Variants in NPHP1 observed in about 807,000 individuals in gnomAD.
NPHP1 encodes the protein nephrocystin-1.
A neutral mutation model predicts 90.4 loss-of-function variants in NPHP1; 70 were observed. The observed-to-expected ratio is 0.77, with a 90% CI of 0.64 to 0.95. The LOEUF (loss-of-function observed/expected upper bound fraction) is 0.95. Among genes scored for constraint, NPHP1 ranks in the 40% least tolerant of loss-of-function variants. The pLI, the probability that NPHP1 is intolerant of heterozygous loss-of-function variation, is 0.00. For synonymous variants in NPHP1, 256 were observed against 271.7 expected (o/e 0.94, Z 0.57); for missense variants, 764 against 795.9 (o/e 0.96, Z 0.48).
intron 16 of NPHP1, among the ~76,000 whole-genome samples, chr2:110,138,313 T>C (rs1313920831): frequency 1.3e-5 from 2 of 151,330 alleles, no homozygotes; most frequent in Non-Finnish European, 1.5e-5. Flanking sequence ...CTAAAACTTA[T>C]AATAAAAAAA....
intron 4 of NPHP1, among the ~76,000 whole-genome samples, chr2:110,171,671 A>T (rs903976886): frequency 3.3e-5 from 5 of 152,180 alleles, no homozygotes; most frequent in Admixed American, 3.3e-4. Context: ...GCCGAAAATA[A>T]TGTGAACTTG....
intron 17 of NPHP1, among the ~76,000 whole-genome samples, chr2:110,131,473 G>A (rs1336206708): frequency 6.6e-6 from 1 of 152,166 alleles, no homozygotes; most frequent in Non-Finnish European, 1.5e-5. Flanking sequence ...ACATATGTTT[G>A]AAAGAACTGA....
At chr2:110,183,199 A>G (rs893731125) in intron 2 of NPHP1, among the ~76,000 whole-genome samples, 8 of 152,198 alleles carry the variant, frequency 5.3e-5, no homozygotes, top group African/African-American at 1.9e-4. Context: ...AAATCTCTGC[A>G]GCACTGTGAC....
intron 1 of NPHP1, 93 bp from the exon 2 acceptor site, chr2:110,201,587 C>T: frequency 1.1e-6 from 1 of 874,162 alleles, no homozygotes; most frequent in Non-Finnish European, 1.8e-6. Flanking sequence ...ATAATGAACA[C>T]TTTTAAACAT....
chr2:110,199,955 G>A (rs1685451035), intron 2 of NPHP1, among the ~76,000 whole-genome samples: 1 of 152,098 alleles, frequency 6.6e-6, no homozygotes, highest in Admixed American at 6.5e-5. Flanking sequence ...TGGTTACTTG[G>A]GCTTAAAAAT....
At chr2:110,177,777 C>T (rs1683607694) in intron 4 of NPHP1, among the ~76,000 whole-genome samples, 1 of 151,672 alleles carries the variant, frequency 6.6e-6, no homozygotes, top group African/African-American at 2.4e-5. Flanking sequence ...CAGTGTCTCA[C>T]TCCGTTGCCC....
intron 19 of NPHP1, chr2:110,124,846 G>A (rs1679237987): frequency 5.2e-6 from 1 of 192,032 alleles, no homozygotes; most frequent in African/African-American, 2.4e-5. Context: ...TCAAATGGAG[G>A]CTGAAATAAG....
At chr2:110,176,818 T>C (rs1683542212) in intron 4 of NPHP1, among the ~76,000 whole-genome samples, 1 of 152,176 alleles carries the variant, frequency 6.6e-6, no homozygotes, top group Non-Finnish European at 1.5e-5. Context: ...TCCAGTGTTT[T>C]TCCAGGACTA....
rs143024650 is a variant in NPHP1, at chr2:110,163,504, T to G, written c.772-369A>C. 1,019 of 293,796 alleles carry G rather than the reference T, an allele frequency of 3.5e-3. 16 individuals are homozygous for G. The highest frequency in any genetic ancestry group is 0.017 in the African/African-American group (795 of 46,608). The allele number at this position is 293,796 out of a possible 1,614,324, so 18.2% of individuals were successfully genotyped here. A position where few individuals can be genotyped will look rare whatever the true frequency, so the allele number is the denominator to read the frequency against. The stretch of plus-strand genomic sequence containing the variant: ...CTGAAGAATTAATGGATTTTTTTTG[T>G]ATACACATACACACTACTCATAGAC... On this transcript the variant is annotated intron_variant, in intron 8 of 19. Transcript: ENST00000445609.
intron 10 of NPHP1, 110 bp from the exon 11 acceptor site, chr2:110,160,365 A>G (rs1682221800): frequency 1.4e-5 from 11 of 764,636 alleles, no homozygotes; most frequent in Non-Finnish European, 2.2e-5. Flanking sequence ...AAAAAAGAAA[A>G]AATTTACACA....
intron 17 of NPHP1, among the ~76,000 whole-genome samples, chr2:110,131,257 G>A (rs1679754196): frequency 6.6e-6 from 1 of 152,048 alleles, no homozygotes; most frequent in African/African-American, 2.4e-5. Flanking sequence ...TCCATATCTG[G>A]ATTCACCAAT....
chr2:110,191,157 G>GA (rs1684701491), intron 2 of NPHP1, among the ~76,000 whole-genome samples: 1 of 152,122 alleles, frequency 6.6e-6, no homozygotes, highest in South Asian at 2.1e-4. Context: ...GGGACTATCA[G>GA]ACAGTGGGTG....
intron 4 of NPHP1, among the ~76,000 whole-genome samples, chr2:110,173,918 T>C (rs1474797452): frequency 1.3e-5 from 2 of 152,132 alleles, no homozygotes; most frequent in African/African-American, 4.8e-5. Context: ...GTATACTCAT[T>C]TAGGAAGATT....
chr2:110,178,608 GAAC>G, intron 3 of NPHP1, 61 bp from the exon 4 acceptor site: 2 of 1,535,042 alleles, frequency 1.3e-6, no homozygotes, highest in Non-Finnish European at 1.8e-6. Context: ...AATTTCAAAA[GAAC>G]AACAAAAAAT....
intron 2 of NPHP1, 71 bp downstream of exon 2, chr2:110,201,350 A>G (rs149661359): frequency 2.0e-6 from 2 of 980,006 alleles, no homozygotes; most frequent in Admixed American, 3.8e-5. Context: ...ACCAATCTCT[A>G]TGCCTTAAAT....
chr2:110,186,523 G>C (rs114452682), intron 2 of NPHP1, among the ~76,000 whole-genome samples: 1,791 of 152,198 alleles, frequency 0.012, 35 homozygotes, highest in African/African-American at 0.041. Flanking sequence ...TAGTCCAAAG[G>C]CCTTTAGCCC....
At position 110,168,515 on chromosome 2, in the gene NPHP1, A is replaced by G. The variant is rs368173886; in HGVS notation, c.561T>C (p.Asp187=). ...TGGCATCCTTAGCTATCCACCAACC[A>G]TCAGGTTTTTTTTCAATTACAAGGA... ...EILLVIEKKP[D]GWWIAKDAKG... Residue 187 remains aspartate (D), a synonymous_variant, in exon 6 of 20, where the codon GAT becomes GAC. Coordinates refer to ENST00000445609, the MANE Select transcript of NPHP1 (RefSeq NM_001128178.3). The G allele has an allele frequency of 4.3e-6, 7 of 1,613,258 alleles. No individual in the cohort carries two copies. Among genetic ancestry groups the G allele is most frequent in the East Asian group, 2.2e-5 (1 of 44,858 alleles).
At chr2:110,144,840 TTCAAG>T (rs1475579732) in intron 14 of NPHP1, among the ~76,000 whole-genome samples, 4 of 152,282 alleles carry the variant, frequency 2.6e-5, no homozygotes, top group Middle Eastern at 6.8e-3. Flanking sequence ...GAAAAATTAA[TTCAAG>T]TCATTAACGT....
At chr2:110,126,147 C>A (rs865790487) in intron 18 of NPHP1, 2 of 168,452 alleles carry the variant, frequency 1.2e-5, no homozygotes, top group East Asian at 1.6e-4. Context: ...TCTAATCTGT[C>A]CACAGGGCTT....
Sources: gnomAD v4.1 joint callset for allele counts (sites outside exome capture counted in the v4.1 genomes callset) on GRCh38, gnomAD v4.1.1 for gene constraint, MANE v1.5 for transcripts, NCBI Gene and HGNC (gene_info 2026-07-23, HGNC 2026-07-21) for gene names.